Variants in KDM4D observed in about 807,000 individuals in gnomAD.
The protein encoded by KDM4D is lysine demethylase 4D, also known as lysine-specific demethylase 4D.
For missense variants in KDM4D, 427 were observed against 674.8 expected (o/e 0.63, Z 4.07); for synonymous variants, 254 against 249.1 (o/e 1.02, Z -0.19).
chr11:94,994,779 G>C (rs1209172852), intron 2 of KDM4D, among the ~76,000 whole-genome samples: 1 of 151,840 alleles, frequency 6.6e-6, no homozygotes, highest in African/African-American at 2.4e-5. Flanking sequence ...GCAGGACCTG[G>C]GGTTGGGTGG....
chr11:94,986,771 G>A lies in KDM4D; in HGVS notation c.-349-10253G>A, dbSNP rs375676792. 6.6e-4 allele frequency among the ~76,000 whole-genome samples: 100 copies of A among 152,208 alleles called. 2 individuals are homozygous for A. The highest frequency in any genetic ancestry group is 2.3e-3 in the African/African-American group (94 of 41,526). On this transcript the variant is annotated intron_variant, in intron 2 of 2. Transcript: ENST00000335080. ...AAACTGTGTAGCAATTTCTTAAAAC[G>A]TTAAACATGGAGTTATCACATGGCT...
chr11:94,987,809 G>A (rs1431817155), intron 2 of KDM4D, among the ~76,000 whole-genome samples: 1 of 151,890 alleles, frequency 6.6e-6, no homozygotes, highest in Non-Finnish European at 1.5e-5. Flanking sequence ...TATGATGAAA[G>A]GAATATTCAG....
chr11:94,982,830 A>G (rs1857853603), intron 2 of KDM4D, among the ~76,000 whole-genome samples: 1 of 152,010 alleles, frequency 6.6e-6, no homozygotes, highest in Non-Finnish European at 1.5e-5. Flanking sequence ...TGCAAATCTG[A>G]AGCTTCATTG....
intron 2 of KDM4D, among the ~76,000 whole-genome samples, chr11:94,989,504 AT>A (rs1177612332): frequency 6.6e-6 from 1 of 152,160 alleles, no homozygotes; most frequent in East Asian, 1.9e-4. Flanking sequence ...AATTTATTAT[AT>A]GTCAGAATGA....
At chr11:94,979,224 TTTTA>T (rs587593701) in intron 2 of KDM4D, among the ~76,000 whole-genome samples, 188 of 152,200 alleles carry the variant, frequency 1.2e-3, no homozygotes, top group African/African-American at 4.2e-3. Context: ...GCATTTCCTT[TTTTA>T]TTTATTTATT....
chr11:94,988,126 T>A (rs879985618), intron 2 of KDM4D, among the ~76,000 whole-genome samples: 1 of 152,184 alleles, frequency 6.6e-6, no homozygotes, highest in Non-Finnish European at 1.5e-5. Context: ...AATGAAATCT[T>A]AGAAAACAAG....
intron 2 of KDM4D, among the ~76,000 whole-genome samples, chr11:94,983,528 T>C (rs1857859569): frequency 6.6e-6 from 1 of 152,142 alleles, no homozygotes; most frequent in Non-Finnish European, 1.5e-5. Flanking sequence ...TGAGATAAGT[T>C]ATTTGCAACA....
intron 2 of KDM4D, among the ~76,000 whole-genome samples, chr11:94,984,005 G>A (rs1307428636): frequency 6.6e-6 from 1 of 152,100 alleles, no homozygotes; most frequent in Non-Finnish European, 1.5e-5. Flanking sequence ...ACACAGCACT[G>A]AAAGTAATAG....
chr11:94,992,854 T>G (rs890868553), intron 2 of KDM4D, among the ~76,000 whole-genome samples: 2 of 152,208 alleles, frequency 1.3e-5, no homozygotes, highest in African/African-American at 2.4e-5. Flanking sequence ...TTTTCAGTTA[T>G]CAAATATATT....
chr11:94,994,421 A>G (rs587731077), intron 2 of KDM4D, among the ~76,000 whole-genome samples: 1 of 152,296 alleles, frequency 6.6e-6, no homozygotes, highest in East Asian at 1.9e-4. Context: ...GTTTAAAGGG[A>G]AACAGCATGG....
At chr11:94,984,257 G>GCACTGTTACAA (rs1857866365) in intron 2 of KDM4D, among the ~76,000 whole-genome samples, 1 of 151,730 alleles carries the variant, frequency 6.6e-6, no homozygotes, top group South Asian at 2.1e-4. Flanking sequence ...CACTTTGGGA[G>GCACTGTTACAA]TCTGAAGCTG....
intron 2 of KDM4D, among the ~76,000 whole-genome samples, chr11:94,981,870 T>G (rs1438467688): frequency 6.6e-6 from 1 of 151,530 alleles, no homozygotes; most frequent in Non-Finnish European, 1.5e-5. Flanking sequence ...TCTTTTTCTT[T>G]CTTTGCTGTT....
In KDM4D at chr11:94,997,816, C is replaced by T. The variant is rs782239210; in HGVS notation, c.444C>T (p.Asn148=). The T allele has an allele frequency of 6.2e-7, 1 of 1,614,078 alleles. No homozygotes were observed. Among genetic ancestry groups the T allele is most frequent in the Non-Finnish European group, 8.5e-7 (1 of 1,180,044 alleles). Residue 148 remains asparagine (N), a synonymous_variant, in exon 3 of 3, where the codon AAC becomes AAT. Transcript: ENST00000335080. ...ADISGSLFDE[N]TKQWNLGHLG... The stretch of plus-strand genomic sequence containing the variant: ...TCAGTGGCTCCTTGTTTGATGAAAA[C>T]ACTAAACAATGGAATCTTGGGCACC...
At chr11:94,977,286 C>T (rs1590963639) in intron 2 of KDM4D, among the ~76,000 whole-genome samples, 2 of 152,046 alleles carry the variant, frequency 1.3e-5, no homozygotes, top group African/African-American at 4.8e-5. Context: ...AAAGGGGATC[C>T]AGTCAGACAG....
intron 1 of KDM4D, among the ~76,000 whole-genome samples, chr11:94,975,074 C>T (rs587742486): frequency 2.8e-4 from 43 of 152,338 alleles, no homozygotes; most frequent in African/African-American, 1.0e-3. Flanking sequence ...AAGCTCTAGA[C>T]ACAGCCAAGT....
Position 94,997,220 on chromosome 11 carries a change from A to C in KDM4D, c.-153A>C. ...CACTAGTGAATAAACAAGCCCAAGA[A>C]AGATTATCATCTCATTTGCAAAAAA... On this transcript the variant is annotated 5_prime_UTR_variant, in exon 3 of 3. Coordinates refer to ENST00000335080, the MANE Select transcript of KDM4D (RefSeq NM_018039.3). 1 of 524,910 alleles carries C rather than the reference A, an allele frequency of 1.9e-6. No individual in the cohort carries two copies. Among genetic ancestry groups the C allele is most frequent in the Non-Finnish European group, 3.2e-6 (1 of 315,308 alleles). 32.5% of individuals were successfully genotyped at this position (524,910 alleles called of 1,614,324 possible). A position where few individuals can be genotyped will look rare whatever the true frequency, so the allele number is the denominator to read the frequency against.
chr11:94,994,576 A>T lies in KDM4D; in HGVS notation c.-349-2448A>T, dbSNP rs189760622. On this transcript the variant is annotated intron_variant, in intron 2 of 2. Coordinates refer to ENST00000335080, the MANE Select transcript of KDM4D (RefSeq NM_018039.3). ...AAGAAAGAAAAGAACCAGTGTTAAA[A>T]GAAGTATCAGTGCCCTGGAGGTTGT... Among the ~76,000 whole-genome samples, 28 of 152,262 alleles carry T rather than the reference A, an allele frequency of 1.8e-4. No individual in the cohort carries two copies. In the East Asian group the frequency reaches 5.2e-3, roughly 28 times the overall value.
intron 1 of KDM4D, among the ~76,000 whole-genome samples, chr11:94,975,249 G>T (rs1446599880): frequency 2.0e-5 from 3 of 151,788 alleles, no homozygotes; most frequent in African/African-American, 7.3e-5. Flanking sequence ...ACTTGTGTTT[G>T]TACACCATCA....
At chr11:94,995,781 C>A (rs1555099152) in intron 2 of KDM4D, among the ~76,000 whole-genome samples, 5 of 152,108 alleles carry the variant, frequency 3.3e-5, no homozygotes, top group African/African-American at 9.7e-5. Flanking sequence ...TTCTTATTTC[C>A]TTTTTTATCC....
Sources: allele counts gnomAD v4.1 joint callset (sites outside exome capture counted in the v4.1 genomes callset), GRCh38; gene constraint gnomAD v4.1.1; transcripts MANE v1.5; gene names NCBI Gene and HGNC (gene_info 2026-07-23, HGNC 2026-07-21).